Variants in USP34 observed in about 807,000 individuals in gnomAD.
The protein encoded by USP34 is ubiquitin specific peptidase 34, also known as ubiquitin carboxyl-terminal hydrolase 34.
A neutral mutation model predicts 460.3 loss-of-function variants in USP34; 70 were observed. That is an observed-to-expected ratio of 0.15 (90% CI 0.13 to 0.19). The LOEUF (loss-of-function observed/expected upper bound fraction) is 0.19, where lower values mean the gene tolerates loss of function less well. USP34 is among the 10% of genes least tolerant of loss of function. USP34 has a pLI of 1.00. For synonymous variants in USP34, 1,647 were observed against 1,405.3 expected, an observed-to-expected ratio of 1.17 and a Z score of -3.85; for missense variants, 3,985 against 4,236.2, an observed-to-expected ratio of 0.94 and a Z score of 1.65.
At chr2:61,240,533 C>T (rs1313310685) in intron 53 of USP34, among the ~76,000 whole-genome samples, 2 of 152,034 alleles carry the variant, frequency 1.3e-5, no homozygotes, top group Non-Finnish European at 2.9e-5. Context: ...CCGCCTCGGC[C>T]TCCCAAAGTG....
chr2:61,450,809 C>T (rs184702029), intron 1 of USP34, among the ~76,000 whole-genome samples: 1 of 149,728 alleles, frequency 6.7e-6, no homozygotes, highest in Non-Finnish European at 1.5e-5. Context: ...GGAAAGACAC[C>T]GTAAGATGTC....
chr2:61,459,719 G>A (rs1248904171), intron 1 of USP34, among the ~76,000 whole-genome samples: 1 of 148,764 alleles, frequency 6.7e-6, no homozygotes, highest in East Asian at 2.0e-4. Context: ...GAAGGCTGCA[G>A]TGAGCTGATA....
At chr2:61,221,400 C>G in intron 66 of USP34, 102 bp downstream of exon 66, 1 of 1,064,190 alleles carries the variant, frequency 9.4e-7, no homozygotes, top group Non-Finnish European at 1.3e-6. Context: ...CTAAAACCAT[C>G]TTGGGGTAAT....
At chr2:61,327,818 T>C (rs528701167) in intron 20 of USP34, among the ~76,000 whole-genome samples, 2 of 152,160 alleles carry the variant, frequency 1.3e-5, no homozygotes, top group Non-Finnish European at 2.9e-5. Context: ...GTATCAATAT[T>C]GACAAATTCT....
chr2:61,385,714 C>G (rs115105282), intron 5 of USP34, among the ~76,000 whole-genome samples: 264 of 141,486 alleles, frequency 1.9e-3, no homozygotes, highest in African/African-American at 6.6e-3. Context: ...CAAGGAGAAG[C>G]TGGGTGCAGT....
intron 1 of USP34, among the ~76,000 whole-genome samples, chr2:61,426,963 G>T (rs968399676): frequency 2.0e-5 from 3 of 152,232 alleles, no homozygotes; most frequent in African/African-American, 7.2e-5. Context: ...GGTGGTACCT[G>T]TATGAGTCTG....
chr2:61,214,752 G>A, intron 67 of USP34, 58 bp from the exon 68 acceptor site: 1 of 1,552,574 alleles, frequency 6.4e-7, no homozygotes, highest in Non-Finnish European at 8.7e-7. Flanking sequence ...AGACTGAACA[G>A]CAGTCATTAA....
chr2:61,340,190 T>A (rs997749043), intron 16 of USP34, among the ~76,000 whole-genome samples: 1 of 145,058 alleles, frequency 6.9e-6, no homozygotes, highest in African/African-American at 2.6e-5. Flanking sequence ...TATAATCTTT[T>A]ATAATCCCTA....
chr2:61,366,936 C>A (rs1156359710), intron 10 of USP34, among the ~76,000 whole-genome samples: 3 of 152,118 alleles, frequency 2.0e-5, no homozygotes, highest in Non-Finnish European at 4.4e-5. Flanking sequence ...GTAGTCCCAG[C>A]TACTTAGGAG....
chr2:61,350,866 A>C (rs1691923386), intron 10 of USP34, among the ~76,000 whole-genome samples, 173 bp from the exon 11 acceptor site: 1 of 152,206 alleles, frequency 6.6e-6, no homozygotes, highest in Non-Finnish European at 1.5e-5. Flanking sequence ...AAAACAGTAA[A>C]AACAAATTCA....
intron 15 of USP34, among the ~76,000 whole-genome samples, chr2:61,345,923 T>G (rs1005364391): frequency 2.0e-5 from 3 of 152,152 alleles, no homozygotes; most frequent in African/African-American, 7.2e-5. Flanking sequence ...GTTCCCATTT[T>G]ATAGATTGAA....
At chr2:61,317,888 G>C (rs1690798924) in intron 22 of USP34, 121 bp from the exon 23 acceptor site, 1 of 664,676 alleles carries the variant, frequency 1.5e-6, no homozygotes, top group Non-Finnish European at 2.4e-6. Flanking sequence ...TGAATTTTTA[G>C]TGATAATTTT....
chr2:61,349,171 T>C (rs1398137431), intron 13 of USP34, 79 bp downstream of exon 13: 2 of 1,469,928 alleles, frequency 1.4e-6, no homozygotes, highest in Admixed American at 2.1e-5. Context: ...AATATATTAT[T>C]ATGTAAAATC....
chr2:61,454,865 T>G (rs1197477737), intron 1 of USP34, among the ~76,000 whole-genome samples: 6 of 90,496 alleles, frequency 6.6e-5, no homozygotes, highest in Non-Finnish European at 1.2e-4. Flanking sequence ...TGGGGTTTTT[T>G]TTTTCTTTTT....
chr2:61,441,540 C>G (rs1024086786), intron 1 of USP34, among the ~76,000 whole-genome samples: 2 of 152,076 alleles, frequency 1.3e-5, no homozygotes, highest in African/African-American at 4.8e-5. Context: ...CTCTCTGGGG[C>G]TAGAGGTGCC....
At chr2:61,436,978 T>C (rs1220648836) in intron 1 of USP34, among the ~76,000 whole-genome samples, 2 of 152,160 alleles carry the variant, frequency 1.3e-5, no homozygotes, top group African/African-American at 4.8e-5. Context: ...GGAAATAAAA[T>C]AATGTCTTGA....
intron 20 of USP34, among the ~76,000 whole-genome samples, chr2:61,329,261 G>A (rs916711707): frequency 6.6e-6 from 1 of 151,922 alleles, no homozygotes; most frequent in Admixed American, 6.6e-5. Flanking sequence ...CCCAACCTCA[G>A]GTGATCTGCC....
In USP34 at chr2:61,470,752, C is replaced by CG. The variant is rs1057181188; in HGVS notation, c.-61dup. 4.3e-5 allele frequency: 56 copies of CG among 1,291,272 alleles called. No homozygotes were observed. The highest frequency in any genetic ancestry group is 2.6e-4 in the Middle Eastern group (1 of 3,896). The allele number at this position is 1,291,272 out of a possible 1,614,324, so 80.0% of individuals were successfully genotyped here. ...GATCACACTGACTGATCCCGACCGG[C>CG]GGGGGGGAGGGGAGAGAGGCGGAGG... On this transcript the variant is annotated 5_prime_UTR_variant, in exon 1 of 80. Coordinates refer to ENST00000398571, the MANE Select transcript of USP34 (RefSeq NM_014709.4).
intron 34 of USP34, 66 bp downstream of exon 34, chr2:61,288,611 A>C (rs567450863): frequency 8.0e-6 from 12 of 1,503,986 alleles, no homozygotes; most frequent in Non-Finnish European, 1.0e-5. Context: ...CTTAAGCATT[A>C]GCATATTTCT....
Sources: gnomAD v4.1 joint callset for allele counts (sites outside exome capture counted in the v4.1 genomes callset) on GRCh38, gnomAD v4.1.1 for gene constraint, MANE v1.5 for transcripts, NCBI Gene and HGNC (gene_info 2026-07-23, HGNC 2026-07-21) for gene names.